The following KAZN variants were observed in gnomAD, a reference collection of about 807,000 sequenced individuals.
KAZN encodes kazrin, periplakin interacting protein.
Under a neutral mutation model 87.4 loss-of-function variants are expected in KAZN, and 40 were observed. That is an observed-to-expected ratio of 0.46 (90% CI 0.36 to 0.60). The LOEUF (loss-of-function observed/expected upper bound fraction) is 0.60. Ranked by LOEUF, KAZN falls within the 20% of genes least tolerant of loss-of-function variation. The pLI, the probability that KAZN is intolerant of heterozygous loss-of-function variation, is 0.00. For synonymous variants in KAZN, 466 were observed against 458.3 expected (o/e 1.02, Z -0.22); for missense variants, 898 against 1,073.9 (o/e 0.84, Z 2.29).
intron 4 of KAZN, among the ~76,000 whole-genome samples, chr1:15,050,165 GA>G (rs370466595): frequency 0.078 from 4,184 of 53,764 alleles, 131 homozygotes; most frequent in African/African-American, 0.17. Context: ...GAATGGAATA[GA>G]ATAGAATAGA....
intron 2 of KAZN, among the ~76,000 whole-genome samples, chr1:14,254,293 A>T (rs1650306349): frequency 6.6e-6 from 1 of 152,196 alleles, no homozygotes; most frequent in South Asian, 2.1e-4. Flanking sequence ...TGCACTTGGA[A>T]TCTCATCTGT....
intron 1 of KAZN, among the ~76,000 whole-genome samples, chr1:13,941,820 C>A (rs938206717): frequency 6.6e-6 from 1 of 152,134 alleles, no homozygotes; most frequent in Admixed American, 6.5e-5. Context: ...AAAGAGCTAC[C>A]AAGGCAGCCA....
intron 2 of KAZN, among the ~76,000 whole-genome samples, chr1:14,983,523 G>GGGAAGTCTAGTTCCAT (rs57874710): frequency 0.47 from 71,337 of 151,936 alleles, 17,183 homozygotes; most frequent in Middle Eastern, 0.56. Flanking sequence ...CCCCTGTGGG[G>GGGAAGTCTAGTTCCAT]GGAGCAAAAT....
At chr1:14,141,417 C>T (rs1314026436) in intron 1 of KAZN, among the ~76,000 whole-genome samples, 2 of 151,794 alleles carry the variant, frequency 1.3e-5, no homozygotes, top group Non-Finnish European at 2.9e-5. Flanking sequence ...AAGGGTCAGC[C>T]CCATAGGTTT....
At chr1:14,381,936 C>G (rs1661403137) in intron 2 of KAZN, among the ~76,000 whole-genome samples, 1 of 152,132 alleles carries the variant, frequency 6.6e-6, no homozygotes, top group Non-Finnish European at 1.5e-5. Flanking sequence ...AAACATAAGA[C>G]TCCACCAAAA....
At chr1:14,921,914 A>G (rs1658570042) in intron 1 of KAZN, among the ~76,000 whole-genome samples, 1 of 152,052 alleles carries the variant, frequency 6.6e-6, no homozygotes, top group Admixed American at 6.5e-5. Flanking sequence ...GTTTCACCAT[A>G]TTAGCCAGGC....
At chr1:14,048,724 C>T (rs993942020) in intron 1 of KAZN, among the ~76,000 whole-genome samples, 4 of 152,202 alleles carry the variant, frequency 2.6e-5, no homozygotes. Flanking sequence ...TATTTAAACA[C>T]ATTGTCTCCC....
intron 1 of KAZN, among the ~76,000 whole-genome samples, chr1:14,784,083 G>A (rs1645433399): frequency 6.6e-6 from 1 of 152,130 alleles, no homozygotes; most frequent in Admixed American, 6.5e-5. Context: ...GGGTTGGTGA[G>A]GCAGGTCTGG....
intron 1 of KAZN, among the ~76,000 whole-genome samples, chr1:14,682,123 C>G (rs1370633384): frequency 6.6e-6 from 1 of 152,106 alleles, no homozygotes; most frequent in Non-Finnish European, 1.5e-5. Flanking sequence ...CACTAACTCT[C>G]CATTCCCCCT....
intron 1 of KAZN, among the ~76,000 whole-genome samples, chr1:14,818,007 G>C (rs1646624659): frequency 6.6e-6 from 1 of 152,176 alleles, no homozygotes; most frequent in Admixed American, 6.5e-5. Flanking sequence ...AAATATTTTG[G>C]CAGAAAATTG....
intron 1 of KAZN, among the ~76,000 whole-genome samples, chr1:14,102,912 C>CTTTTTTTTTTTTTTTTTTTT (rs140592376): frequency 6.7e-6 from 1 of 149,424 alleles, no homozygotes; most frequent in African/African-American, 2.5e-5. Flanking sequence ...ACTAATCTCT[C>CTTTTTTTTTTTTTTTTTTTT]TCTTTTTTTT....
chr1:13,966,727 G>A (rs1055359401), intron 1 of KAZN, among the ~76,000 whole-genome samples: 3 of 152,182 alleles, frequency 2.0e-5, no homozygotes, highest in East Asian at 1.9e-4. Flanking sequence ...ACAGGATTTC[G>A]AAGCATTAGA....
intron 1 of KAZN, among the ~76,000 whole-genome samples, chr1:14,908,968 G>A (rs1303980285): frequency 6.6e-6 from 1 of 151,988 alleles, no homozygotes; most frequent in Non-Finnish European, 1.5e-5. Context: ...GGGTGACAGG[G>A]CGAGACTCCA....
intron 1 of KAZN, among the ~76,000 whole-genome samples, chr1:14,877,934 G>A (rs1365084685): frequency 1.3e-5 from 2 of 151,952 alleles, no homozygotes; most frequent in Non-Finnish European, 2.9e-5. Flanking sequence ...TGGACCCTAC[G>A]GCACATTGGG....
At chr1:14,238,954 G>C (rs1648673394) in intron 2 of KAZN, among the ~76,000 whole-genome samples, 1 of 152,214 alleles carries the variant, frequency 6.6e-6, no homozygotes, top group Non-Finnish European at 1.5e-5. Flanking sequence ...CCAGATAGCT[G>C]AGGACTGTGG....
chr1:14,778,552 C>G (rs1325654203), intron 1 of KAZN, among the ~76,000 whole-genome samples: 2 of 152,112 alleles, frequency 1.3e-5, no homozygotes, highest in Non-Finnish European at 2.9e-5. Context: ...CATTGGGAAG[C>G]TTAGGATTTT....
chr1:15,109,865 A>G (rs1421439864), intron 13 of KAZN, among the ~76,000 whole-genome samples: 1 of 149,282 alleles, frequency 6.7e-6, no homozygotes, highest in Non-Finnish European at 1.5e-5. Flanking sequence ...GCGTGTATAT[A>G]TGTGTGTATG....
rs1670681578 is a variant in KAZN, at chr1:15,021,662, C to T, written c.419-13087C>T. Among the ~76,000 whole-genome samples the T allele has an allele frequency of 6.6e-6, 1 of 152,172 alleles. No homozygotes were observed. Among genetic ancestry groups the T allele is most frequent in the Non-Finnish European group, 1.5e-5 (1 of 68,020 alleles). On this transcript the variant is annotated intron_variant, in intron 2 of 14. Coordinates refer to ENST00000376030, the MANE Select transcript of KAZN (RefSeq NM_201628.3). The surrounding 1 kb of genome is among the most constrained non-coding windows in gnomAD (Gnocchi z 4.2). ...GGGGTGGTGGCAGGGACAGTGTGCC[C>T]TGCGTGCAGTTAGCACCCTGAAGCC...
intron 2 of KAZN, among the ~76,000 whole-genome samples, chr1:15,014,440 T>G (rs907948307): frequency 6.6e-6 from 1 of 152,162 alleles, no homozygotes; most frequent in African/African-American, 2.4e-5. Flanking sequence ...CTGCTCCTGT[T>G]GGTTTTTTGT....
Sources: gnomAD v4.1 joint callset for allele counts (sites outside exome capture counted in the v4.1 genomes callset) on GRCh38, gnomAD v4.1.1 for gene constraint, Gnocchi (gnomAD v3.1) non-coding constraint, MANE v1.5 for transcripts, NCBI Gene and HGNC (gene_info 2026-07-23, HGNC 2026-07-21) for gene names.